PTPRZ1: variants seen among roughly 807,000 people sequenced by gnomAD.
PTPRZ1 encodes the protein protein tyrosine phosphatase receptor type Z1.
A neutral mutation model predicts 214.1 loss-of-function variants in PTPRZ1; 82 were observed. The observed-to-expected ratio is 0.38, with a 90% confidence interval of 0.32 to 0.46. PTPRZ1 has a LOEUF of 0.46. Among genes scored for constraint, PTPRZ1 ranks in the 20% least tolerant of loss-of-function variants. The probability of loss-of-function intolerance (pLI) is 1.00; values close to 1 mark genes in which losing one functional copy is unlikely to be tolerated. For missense variants in PTPRZ1, 2,603 were observed against 2,748.7 expected (o/e 0.95, Z 1.19); for synonymous variants, 945 against 987.9 (o/e 0.96, Z 0.81).
chr7:121,935,410 T>G (rs1796048619), intron 2 of PTPRZ1, among the ~76,000 whole-genome samples: 1 of 152,200 alleles, frequency 6.6e-6, no homozygotes, highest in Non-Finnish European at 1.5e-5. Flanking sequence ...TTCTTCTGTC[T>G]GAGCTGGAAC....
Position 121,984,026 on chromosome 7 carries a change from C to A in PTPRZ1, c.837C>A (p.Asp279Glu), listed in dbSNP as rs1563050348. 6.2e-7 allele frequency: 1 copy of A among 1,613,498 alleles called. No individual in the cohort carries two copies. Among genetic ancestry groups the A allele is most frequent in the Admixed American group, 1.7e-5 (1 of 60,016 alleles). ...AATCTGGTTATGTCATGCTGATGGACTACTTACAAAACAATTTTCGAGAGC... is the reference window on the plus strand; with the variant it reads ...AATCTGGTTATGTCATGCTGATGGAATACTTACAAAACAATTTTCGAGAGC... ...MQQSGYVMLM[D>E]YLQNNFREQQ... Residue 279 changes from aspartate (D) to glutamate (E), a missense_variant, in exon 8 of 30, where the codon GAC (aspartate) becomes GAA (glutamate). Asp to Glu is a conservative substitution (Grantham distance 45, BLOSUM62 2). Transcript: ENST00000393386.
intron 18 of PTPRZ1, among the ~76,000 whole-genome samples, chr7:122,038,308 G>A (rs1918031): frequency 0.15 from 22,315 of 152,032 alleles, 1,978 homozygotes; most frequent in South Asian, 0.29. Context: ...TTCTCAGCAC[G>A]TTGAAGTAGA....
At chr7:121,973,357 G>T (rs1797314975) in intron 4 of PTPRZ1, among the ~76,000 whole-genome samples, 2 of 151,926 alleles carry the variant, frequency 1.3e-5, no homozygotes, top group South Asian at 4.2e-4. Context: ...AGGTATTAAT[G>T]GTTTTAAAAA....
At chr7:122,058,739 A>G (rs1792461050) in intron 27 of PTPRZ1, 61 bp from the exon 28 acceptor site, 2 of 1,448,506 alleles carry the variant, frequency 1.4e-6, no homozygotes, top group East Asian at 2.3e-5. Flanking sequence ...GATTTTCCTC[A>G]ATGATTCCAC....
intron 15 of PTPRZ1, chr7:122,033,815 C>T: frequency 4.8e-6 from 2 of 420,374 alleles, no homozygotes; most frequent in South Asian, 8.5e-5. Flanking sequence ...ATATGTGGTT[C>T]CTCTCATCTG....
At chr7:122,000,379 C>T (rs1584728568) in intron 10 of PTPRZ1, among the ~76,000 whole-genome samples, 1 of 151,356 alleles carries the variant, frequency 6.6e-6, no homozygotes, top group African/African-American at 2.4e-5. Flanking sequence ...GATTTGGTGC[C>T]TACAAGATTA....
rs1395742225 is a variant in PTPRZ1 at position 122,034,349 on chromosome 7, A to G, written c.5255A>G (p.His1752Arg). 1.9e-6 allele frequency: 3 copies of G among 1,613,306 alleles called. No individual in the cohort carries two copies. Among genetic ancestry groups the G allele is most frequent in the Admixed American group, 3.3e-5 (2 of 59,902 alleles). The change falls in exon 17 of 30, where the codon CAC becomes CGC. Residue 1752 changes from histidine (H) to arginine (R), a missense_variant. His to Arg is a conservative substitution (Grantham distance 29). Transcript: ENST00000393386. ...AGCTCCAACCACCCAGACAACAAGC[A>G]CAAGAATCGATACATAAATATCGTT... ...ADSSNHPDNKHKNRYINIVAY... is the reference protein window; with the variant it reads ...ADSSNHPDNKRKNRYINIVAY...
chr7:122,006,148 G>A (rs985892448), intron 11 of PTPRZ1, among the ~76,000 whole-genome samples: 1 of 151,894 alleles, frequency 6.6e-6, no homozygotes, highest in African/African-American at 2.4e-5. Context: ...ATTTTTTAAT[G>A]GACATATAAT....
At chr7:122,014,640 A>T (rs1048851791) in intron 12 of PTPRZ1, among the ~76,000 whole-genome samples, 3 of 152,160 alleles carry the variant, frequency 2.0e-5, no homozygotes, top group African/African-American at 7.2e-5. Context: ...GGGTTTCACC[A>T]TGTTAGCCAG....
intron 2 of PTPRZ1, among the ~76,000 whole-genome samples, chr7:121,961,819 A>G (rs1403404416): frequency 6.6e-6 from 1 of 152,256 alleles, no homozygotes; most frequent in Non-Finnish European, 1.5e-5. Context: ...GGAGGTAAGC[A>G]TGGGAAATTT....
chr7:121,939,387 T>C (rs1796178545), intron 2 of PTPRZ1, among the ~76,000 whole-genome samples: 1 of 152,228 alleles, frequency 6.6e-6, no homozygotes, highest in Admixed American at 6.5e-5. Context: ...ATATTACCTC[T>C]AAACTCTGTA....
At chr7:121,988,296 T>A (rs1457663624) in intron 8 of PTPRZ1, among the ~76,000 whole-genome samples, 4 of 152,162 alleles carry the variant, frequency 2.6e-5, no homozygotes, top group Non-Finnish European at 1.5e-5. Flanking sequence ...TAGACTAATA[T>A]GCACATTTAT....
At chr7:121,898,794 A>G (rs777160993) in intron 1 of PTPRZ1, among the ~76,000 whole-genome samples, 21 of 152,306 alleles carry the variant, frequency 1.4e-4, no homozygotes, top group Admixed American at 2.0e-4. Context: ...AAATCTACCA[A>G]AAAGTTCAGG....
At chr7:122,058,131 G>T (rs1435302224) in intron 27 of PTPRZ1, among the ~76,000 whole-genome samples, 2 of 151,706 alleles carry the variant, frequency 1.3e-5, no homozygotes, top group Non-Finnish European at 1.5e-5. Flanking sequence ...TTCCTCTATT[G>T]TTTTTCTTAT....
chr7:122,054,897 A>G, intron 26 of PTPRZ1, 44 bp from the exon 27 acceptor site: 1 of 1,514,988 alleles, frequency 6.6e-7, no homozygotes, highest in Non-Finnish European at 8.8e-7. Flanking sequence ...CTTATTGGTC[A>G]TTTTATTAAA....
intron 2 of PTPRZ1, among the ~76,000 whole-genome samples, chr7:121,955,344 A>C (rs1307975607): frequency 6.6e-6 from 1 of 152,240 alleles, no homozygotes; most frequent in African/African-American, 2.4e-5. Flanking sequence ...AAGAGGGCTT[A>C]TGATGACCCT....
chr7:121,968,202 T>C (rs1170577013), intron 3 of PTPRZ1, 72 bp downstream of exon 3: 1 of 1,347,816 alleles, frequency 7.4e-7, no homozygotes, highest in Non-Finnish European at 1.0e-6. Context: ...TAGTTTCATC[T>C]CATTTTCCTT....
At chr7:121,914,866 G>A (rs1460285139) in intron 1 of PTPRZ1, among the ~76,000 whole-genome samples, 1 of 152,020 alleles carries the variant, frequency 6.6e-6, no homozygotes, top group Non-Finnish European at 1.5e-5. Flanking sequence ...TCACTCATGT[G>A]CCAGGCACCA....
intron 1 of PTPRZ1, among the ~76,000 whole-genome samples, chr7:121,889,676 T>C (rs1475961374): frequency 6.6e-6 from 1 of 152,168 alleles, no homozygotes; most frequent in Non-Finnish European, 1.5e-5. Flanking sequence ...GGAAGAGTTT[T>C]CTATAGTCAC....
Sources: allele counts gnomAD v4.1 joint callset (sites outside exome capture counted in the v4.1 genomes callset), GRCh38; gene constraint gnomAD v4.1.1; transcripts MANE v1.5; gene names NCBI Gene and HGNC (gene_info 2026-07-23, HGNC 2026-07-21).